DTL: variants seen among roughly 807,000 people sequenced by gnomAD.
The protein encoded by DTL is denticleless protein homolog.
Under a neutral mutation model 87.0 loss-of-function variants are expected in DTL, and 46 were observed. The ratio of observed to expected loss-of-function variants is 0.53; its 90% confidence interval spans 0.42 to 0.68. The LOEUF is 0.68. Among genes scored for constraint, DTL ranks in the 30% least tolerant of loss-of-function variants. The pLI is 0.00. For missense variants in DTL, 737 were observed against 869.4 expected (o/e 0.85, Z 1.91); for synonymous variants, 308 against 311.2 (o/e 0.99, Z 0.11).
In DTL at chr1:212,047,300, ACAG is replaced by A; in HGVS notation, c.350_352del (p.Ala117del). ...GTGTTTACCTTATTTTTGAAAGGTT[ACAG>A]CAGCAGGTGATCAAACAGCCAAATT... On this transcript the variant is annotated inframe_deletion, in exon 5 of 15. Transcript: ENST00000366991. 1 of 1,614,234 alleles carries A rather than the reference ACAG, an allele frequency of 6.2e-7. No individual in the cohort carries two copies. The highest frequency in any genetic ancestry group is 8.5e-7 in the Non-Finnish European group (1 of 1,180,038).
chr1:212,069,541 G>C, intron 10 of DTL, among the ~76,000 whole-genome samples: 1 of 151,480 alleles, frequency 6.6e-6, no homozygotes, highest in South Asian at 2.1e-4. Context: ...TGTAGATATA[G>C]ATATAAATTT....
intron 3 of DTL, 62 bp from the exon 4 acceptor site, chr1:212,047,089 A>G (rs1283570834): frequency 1.4e-6 from 2 of 1,477,250 alleles, no homozygotes; most frequent in Non-Finnish European, 9.4e-7. Flanking sequence ...TTAAAGTTAT[A>G]TTAATATGGG....
chr1:212,094,637 G>A (rs1238293059), intron 13 of DTL, among the ~76,000 whole-genome samples: 1 of 152,144 alleles, frequency 6.6e-6, no homozygotes, highest in Non-Finnish European at 1.5e-5. Flanking sequence ...GTTCTGTGAA[G>A]AACGATGATG....
intron 13 of DTL, among the ~76,000 whole-genome samples, chr1:212,097,659 T>TCATCTTTC (rs1427785963): frequency 6.6e-6 from 1 of 152,236 alleles, no homozygotes; most frequent in Non-Finnish European, 1.5e-5. Context: ...AAGTTGGTTT[T>TCATCTTTC]CATCTTTCTC....
Position 212,077,910 on chromosome 1 carries a change from T to C in DTL, c.1036-263T>C, listed in dbSNP as rs564496006. Among the ~76,000 whole-genome samples the C allele has an allele frequency of 1.3e-3, 201 of 152,316 alleles. 1 individual carries two copies. Among genetic ancestry groups the C allele is most frequent in the South Asian group, 9.3e-3 (45 of 4,828 alleles). On this transcript the variant is annotated intron_variant, in intron 11 of 14. Transcript: ENST00000366991. ...TATATATGGCTAGGTTGTCCTGATATGAAATAAGGACTATCCTTGTGTGTA... is the reference window on the plus strand; with the variant it reads ...TATATATGGCTAGGTTGTCCTGATACGAAATAAGGACTATCCTTGTGTGTA...
chr1:212,103,991 A>C lies in DTL; in HGVS notation c.*1051A>C, dbSNP rs893505902. On this transcript the variant is annotated 3_prime_UTR_variant, in exon 15 of 15. Transcript: ENST00000366991. Reference sequence around the variant, plus strand: ...TAGTATAGATAGCCCTGAGCCAAAAAGTAATAGAATTTTCTCTAGATATTT... The same window carrying C: ...TAGTATAGATAGCCCTGAGCCAAAACGTAATAGAATTTTCTCTAGATATTT... 7.9e-5 allele frequency: 12 copies of C among 152,230 alleles called. No individual in the cohort carries two copies. Among genetic ancestry groups the C allele is most frequent in the Non-Finnish European group, 8.8e-5 (6 of 68,036 alleles). The allele number at this position is 152,230 out of a possible 1,614,324, so 9.4% of individuals were successfully genotyped here.
chr1:212,083,724 CAATG>C (rs1193232344), intron 13 of DTL, among the ~76,000 whole-genome samples: 2 of 152,230 alleles, frequency 1.3e-5, no homozygotes, highest in East Asian at 3.9e-4. Flanking sequence ...AAGAGAGTAA[CAATG>C]AACCAAGAGC....
At chr1:212,080,496 A>G in intron 12 of DTL, 119 bp from the exon 13 acceptor site, 1 of 888,612 alleles carries the variant, frequency 1.1e-6, no homozygotes, top group South Asian at 2.0e-5. Flanking sequence ...TATTTTCTAT[A>G]TCCTGTTTAT....
At chr1:212,052,729 CAT>C (rs990797379) in intron 5 of DTL, among the ~76,000 whole-genome samples, 65 of 149,822 alleles carry the variant, frequency 4.3e-4, no homozygotes, top group African/African-American at 1.2e-3. Flanking sequence ...CTTAATTACC[CAT>C]ATATATATAT....
chr1:212,036,749 T>C (rs1048116174), intron 1 of DTL, among the ~76,000 whole-genome samples: 5 of 152,232 alleles, frequency 3.3e-5, no homozygotes, highest in African/African-American at 1.2e-4. Context: ...AACTTTTTGG[T>C]AAGTTTCAGA....
intron 5 of DTL, among the ~76,000 whole-genome samples, chr1:212,060,443 A>G (rs1668309021): frequency 6.6e-6 from 1 of 152,186 alleles, no homozygotes; most frequent in South Asian, 2.1e-4. Flanking sequence ...TATATTAAAG[A>G]AAATCAAGAT....
chr1:212,041,386 A>AT (rs139831934), intron 1 of DTL, among the ~76,000 whole-genome samples: 30 of 147,056 alleles, frequency 2.0e-4, no homozygotes, highest in Middle Eastern at 3.6e-3. Flanking sequence ...TTTGCAGTTG[A>AT]TTTTTTTTTT....
intron 5 of DTL, among the ~76,000 whole-genome samples, chr1:212,056,386 A>G (rs1668179806): frequency 1.3e-5 from 2 of 152,182 alleles, no homozygotes; most frequent in African/African-American, 2.4e-5. Context: ...CCAGATACCA[A>G]TGACTCTATG....
At chr1:212,064,842 T>G in intron 6 of DTL, 75 bp from the exon 7 acceptor site, 1 of 1,215,398 alleles carries the variant, frequency 8.2e-7, no homozygotes. Flanking sequence ...TACTTAATAT[T>G]GAAGTTTTAT....
intron 5 of DTL, among the ~76,000 whole-genome samples, chr1:212,055,718 C>T (rs1352953287): frequency 6.6e-6 from 1 of 152,192 alleles, no homozygotes; most frequent in Non-Finnish European, 1.5e-5. Context: ...CTGCCCCTTA[C>T]CTGAGCATTC....
intron 13 of DTL, among the ~76,000 whole-genome samples, chr1:212,097,630 T>G (rs1655489683): frequency 1.3e-5 from 2 of 152,192 alleles, no homozygotes; most frequent in South Asian, 4.1e-4. Context: ...ACATCCTGTT[T>G]TGTTTTATTT....
chr1:212,054,853 C>T (rs1668118041), intron 5 of DTL, among the ~76,000 whole-genome samples: 1 of 149,232 alleles, frequency 6.7e-6, no homozygotes, highest in Admixed American at 6.7e-5. Context: ...TAAATTTTAT[C>T]CCCAAACAAC....
intron 13 of DTL, 99 bp downstream of exon 13, chr1:212,080,849 T>G: frequency 7.5e-6 from 10 of 1,336,726 alleles, no homozygotes; most frequent in Non-Finnish European, 1.0e-5. Flanking sequence ...TTGGTATGTT[T>G]TTAAAGAAAA....
intron 5 of DTL, among the ~76,000 whole-genome samples, chr1:212,053,226 AT>A (rs546887571): frequency 1.6e-4 from 24 of 146,830 alleles, no homozygotes; most frequent in Non-Finnish European, 1.8e-4. Flanking sequence ...CTATCCAGTG[AT>A]TTTTTTTTTT....
Sources: gnomAD v4.1 joint callset for allele counts (sites outside exome capture counted in the v4.1 genomes callset) on GRCh38, gnomAD v4.1.1 for gene constraint, MANE v1.5 for transcripts, NCBI Gene and HGNC (gene_info 2026-07-23, HGNC 2026-07-21) for gene names.